Variants in CCDC18 observed in about 807,000 individuals in gnomAD.
The protein encoded by CCDC18 is coiled-coil domain-containing protein 18.
CCDC18 carries 157 observed loss-of-function variants against 196.0 expected under a neutral mutation model. That is an observed-to-expected ratio of 0.80 (90% CI 0.70 to 0.91). The LOEUF (loss-of-function observed/expected upper bound fraction) is 0.91, where lower values mean the gene tolerates loss of function less well. Ranked by LOEUF, CCDC18 falls within the 40% of genes least tolerant of loss-of-function variation. The probability of loss-of-function intolerance (pLI) is 0.00; values close to 1 mark genes in which losing one functional copy is unlikely to be tolerated. For missense variants in CCDC18, 1,465 were observed against 1,611.6 expected, an observed-to-expected ratio of 0.91 and a Z score of 1.56; for synonymous variants, 482 against 529.2, an observed-to-expected ratio of 0.91 and a Z score of 1.22.
At position 93,270,727 on chromosome 1, in the gene CCDC18, C is replaced by T. The variant is rs1665171267; in HGVS notation, c.4266C>T (p.Asn1422=). ...ATAGTTCTGAGAATAATGACTTTAA[C>T]ACGCTTAGTGGGATGCTAAGATACA... ...EADSSENNDF[N]TLSGMLRYIN... The change falls in exon 28 of 29, where the codon AAC becomes AAT. Residue 1422 remains asparagine, a synonymous_variant. Transcript: ENST00000690025. 3 of 1,550,240 alleles carry T rather than the reference C, an allele frequency of 1.9e-6. No individual in the cohort carries two copies. The highest frequency in any genetic ancestry group is 1.4e-5 in the African/African-American group (1 of 73,140).
chr1:93,196,326 A>C (rs1420621386), intron 6 of CCDC18, among the ~76,000 whole-genome samples: 1 of 149,354 alleles, frequency 6.7e-6, no homozygotes, highest in Non-Finnish European at 1.5e-5. Flanking sequence ...TGTGTCTCAA[A>C]AAAGAGAAAA....
chr1:93,212,299 A>G, intron 11 of CCDC18, 38 bp downstream of exon 11: 1 of 1,296,516 alleles, frequency 7.7e-7, no homozygotes, highest in Non-Finnish European at 1.0e-6. Context: ...TTATATTCAG[A>G]GTTTTGGATG....
intron 23 of CCDC18, among the ~76,000 whole-genome samples, chr1:93,248,869 AG>A (rs201689284): frequency 0.028 from 4,231 of 150,310 alleles, 188 homozygotes; most frequent in African/African-American, 0.097. Flanking sequence ...GCTATTAAGG[AG>A]GCTGAGGTGG....
At chr1:93,179,964 C>A, upstream of CCDC18, 1 of 1,377,364 alleles carries the variant, frequency 7.3e-7, no homozygotes, top group South Asian at 1.4e-5. Context: ...ACCACCAGGG[C>A]CGTCCACCAG....
intron 22 of CCDC18, among the ~76,000 whole-genome samples, 194 bp downstream of exon 22, chr1:93,246,398 T>G (rs1661503732): frequency 6.6e-6 from 1 of 152,144 alleles, no homozygotes; most frequent in Non-Finnish European, 1.5e-5. Context: ...ATTTTGAAAA[T>G]GAGGATTAGC....
chr1:93,227,378 G>C (rs1394351296), intron 17 of CCDC18, among the ~76,000 whole-genome samples: 1 of 150,606 alleles, frequency 6.6e-6, no homozygotes, highest in Admixed American at 6.6e-5. Flanking sequence ...ATGTTGCCCA[G>C]GCTGGTCACA....
At chr1:93,235,599 A>G (rs1269783337) in intron 18 of CCDC18, among the ~76,000 whole-genome samples, 1 of 152,170 alleles carries the variant, frequency 6.6e-6, no homozygotes, top group Non-Finnish European at 1.5e-5. Flanking sequence ...TAGTAGGTAG[A>G]GGGAGGTCAA....
In CCDC18 at chr1:93,183,444, A is replaced by C; in HGVS notation, c.83A>C (p.Glu28Ala). The C allele has an allele frequency of 6.2e-7, 1 of 1,608,072 alleles. No homozygotes were observed. The highest frequency in any genetic ancestry group is 8.5e-7 in the Non-Finnish European group (1 of 1,176,712). The change falls in exon 2 of 29, where the codon GAA (glutamate) becomes GCA (alanine). Residue 28 changes from glutamate (E) to alanine (A), a missense_variant. Physicochemically the swap from Glu to Ala is moderately radical, Grantham distance 107. Transcript: ENST00000690025. ...LLANVASLRH[E>A]LKITEWSLQS... ...GCAAATGTTGCTTCCTTAAGACATG[A>C]ACTGAAGATAACAGAATGGAGTTTG...
At chr1:93,274,672 G>A (rs1489867152) in intron 28 of CCDC18, among the ~76,000 whole-genome samples, 4 of 151,356 alleles carry the variant, frequency 2.6e-5, no homozygotes, top group East Asian at 2.0e-4. Context: ...AGCAAGACCC[G>A]ATCTCTACAG....
chr1:93,246,622 A>C (rs556636930), intron 22 of CCDC18, among the ~76,000 whole-genome samples: 1 of 152,158 alleles, frequency 6.6e-6, no homozygotes, highest in Admixed American at 6.5e-5. Flanking sequence ...AAAAAAATGC[A>C]TATGGGGCTC....
chr1:93,266,742 AG>A (rs1430118697), intron 27 of CCDC18, among the ~76,000 whole-genome samples: 3 of 152,210 alleles, frequency 2.0e-5, no homozygotes, highest in Non-Finnish European at 4.4e-5. Flanking sequence ...AGACTAAACC[AG>A]GAAGAAGTTG....
chr1:93,243,339 A>G lies in CCDC18; in HGVS notation c.2982-2766A>G, dbSNP rs540076403. On this transcript the variant is annotated intron_variant, in intron 21 of 28. Transcript: ENST00000690025. Reference sequence around the variant, plus strand: ...CCTCTGAAGCCACGGCCTGTGCTCTATGTTGTCCTTTTTCCGCCACAGCTA... The same window carrying G: ...CCTCTGAAGCCACGGCCTGTGCTCTGTGTTGTCCTTTTTCCGCCACAGCTA... Among the ~76,000 whole-genome samples, 98 of 152,300 alleles carry G rather than the reference A, an allele frequency of 6.4e-4. 1 individual carries two copies. The highest frequency in any genetic ancestry group is 1.8e-3 in the African/African-American group (74 of 41,568).
intron 9 of CCDC18, among the ~76,000 whole-genome samples, chr1:93,209,315 C>CATATAT (rs1655238010): frequency 6.6e-6 from 1 of 151,968 alleles, no homozygotes; most frequent in Non-Finnish European, 1.5e-5. Flanking sequence ...TATTTGTGAC[C>CATATAT]ATATATATAA....
chr1:93,271,270 T>C, intron 28 of CCDC18: 1 of 985,392 alleles, frequency 1.0e-6, no homozygotes, highest in Non-Finnish European at 1.2e-6. Flanking sequence ...ATTTACTGAA[T>C]TAGCCATTAT....
upstream of CCDC18, chr1:93,180,682 G>C: frequency 7.4e-7 from 1 of 1,342,900 alleles, no homozygotes; most frequent in Non-Finnish European, 9.9e-7. Flanking sequence ...GCGCCGGGGC[G>C]GGGCAGTGAC....
chr1:93,227,040 G>C (rs1015817941), intron 17 of CCDC18, among the ~76,000 whole-genome samples: 3 of 151,652 alleles, frequency 2.0e-5, no homozygotes, highest in Non-Finnish European at 4.4e-5. Context: ...CTTGAACATT[G>C]TTTTAGATTT....
Position 93,278,461 on chromosome 1 carries a change from A to G in CCDC18, c.4354-2A>G. The stretch of plus-strand genomic sequence containing the variant: ...TTAATCTATTATTTTGCATTATTCT[A>G]GGGAGAAAATGTGTAATTCAAAGAA... On this transcript the variant is annotated splice_acceptor_variant, in intron 28 of 28. Transcript: ENST00000690025. LOFTEE classifies it high-confidence loss of function. The G allele has an allele frequency of 1.6e-6, 2 of 1,235,206 alleles. No homozygotes were observed. The highest frequency in any genetic ancestry group is 2.2e-6 in the Non-Finnish European group (2 of 903,984). The allele number at this position is 1,235,206 out of a possible 1,614,324, so 76.5% of individuals were successfully genotyped here.
At chr1:93,210,038 C>T (rs1655342701) in intron 9 of CCDC18, among the ~76,000 whole-genome samples, 1 of 151,986 alleles carries the variant, frequency 6.6e-6, no homozygotes, top group Non-Finnish European at 1.5e-5. Context: ...GTCTGGGTGA[C>T]AGAGTGAGAC....
At chr1:93,234,825 C>T (rs796590925) in intron 18 of CCDC18, among the ~76,000 whole-genome samples, 12 of 148,840 alleles carry the variant, frequency 8.1e-5, no homozygotes, top group African/African-American at 2.5e-4. Context: ...CTTTGTCACC[C>T]AGGCTGGAGT....
Sources: gnomAD v4.1 joint callset for allele counts (sites outside exome capture counted in the v4.1 genomes callset) on GRCh38, gnomAD v4.1.1 for gene constraint, MANE v1.5 for transcripts, NCBI Gene and HGNC (gene_info 2026-07-23, HGNC 2026-07-21) for gene names.